TPCN1: variants seen among roughly 807,000 people sequenced by gnomAD.
TPCN1 encodes two pore segment channel 1.
A neutral mutation model predicts 108.8 loss-of-function variants in TPCN1; 52 were observed. The ratio of observed to expected loss-of-function variants is 0.48; its 90% confidence interval spans 0.38 to 0.60. The LOEUF (loss-of-function observed/expected upper bound fraction) is 0.60, where lower values mean the gene tolerates loss of function less well. Among genes scored for constraint, TPCN1 ranks in the 20% least tolerant of loss-of-function variants. TPCN1 has a pLI of 0.00. For synonymous variants in TPCN1, 446 were observed against 433.7 expected, an observed-to-expected ratio of 1.03 and a Z score of -0.35; for missense variants, 806 against 1,072.8, an observed-to-expected ratio of 0.75 and a Z score of 3.47.
intron 2 of TPCN1, among the ~76,000 whole-genome samples, chr12:113,249,315 C>T (rs368714871): frequency 2.6e-5 from 4 of 152,314 alleles, no homozygotes; most frequent in South Asian, 2.1e-4. Flanking sequence ...AGACAGTGGC[C>T]GGCGTACCGC....
intron 1 of TPCN1, among the ~76,000 whole-genome samples, chr12:113,223,902 C>A (rs1297061598): frequency 1.3e-5 from 2 of 152,112 alleles, no homozygotes; most frequent in Non-Finnish European, 2.9e-5. Flanking sequence ...TTAAAAAATA[C>A]TCACCAGTTA....
At chr12:113,256,274 T>C (rs373778531) in intron 2 of TPCN1, among the ~76,000 whole-genome samples, 2 of 152,102 alleles carry the variant, frequency 1.3e-5, no homozygotes, top group South Asian at 4.2e-4. Context: ...GAAGTTCAAA[T>C]TTTTTTACTT....
At chr12:113,233,227 G>A (rs951415006) in intron 2 of TPCN1, among the ~76,000 whole-genome samples, 6 of 152,216 alleles carry the variant, frequency 3.9e-5, no homozygotes, top group Non-Finnish European at 8.8e-5. Context: ...ACAAGACGCT[G>A]CCGCTCTAAA....
intron 2 of TPCN1, among the ~76,000 whole-genome samples, chr12:113,259,125 T>C (rs1954927416): frequency 6.6e-6 from 1 of 152,038 alleles, no homozygotes; most frequent in South Asian, 2.1e-4. Context: ...TACAGGCACC[T>C]TCCACCACGC....
chr12:113,282,682 G>A (rs1369450667), intron 15 of TPCN1, among the ~76,000 whole-genome samples: 1 of 150,286 alleles, frequency 6.7e-6, no homozygotes, highest in African/African-American at 2.5e-5. Flanking sequence ...CCTGAGCCTG[G>A]GGAGGTTGAG....
chr12:113,293,497 G>A, intron 27 of TPCN1, 148 bp downstream of exon 27: 1 of 793,074 alleles, frequency 1.3e-6, no homozygotes, highest in Non-Finnish European at 2.1e-6. Context: ...GGGTTGTGTG[G>A]GACCTGAGCG....
intron 1 of TPCN1, among the ~76,000 whole-genome samples, chr12:113,226,286 A>G (rs1419810944): frequency 1.3e-5 from 2 of 151,902 alleles, no homozygotes; most frequent in Non-Finnish European, 2.9e-5. Flanking sequence ...ATAATTTACC[A>G]TTTTATTATT....
chr12:113,251,985 C>G (rs150978301), intron 2 of TPCN1, among the ~76,000 whole-genome samples: 1 of 152,080 alleles, frequency 6.6e-6, no homozygotes, highest in Non-Finnish European at 1.5e-5. Context: ...ATGAGAGGGA[C>G]GAGACCTTTC....
chr12:113,252,731 T>C (rs1443303587), intron 2 of TPCN1, among the ~76,000 whole-genome samples: 2 of 152,228 alleles, frequency 1.3e-5, no homozygotes, highest in Non-Finnish European at 2.9e-5. Context: ...TGCCTGTGGC[T>C]TTTTCTGCTC....
chr12:113,269,759 A>C lies in TPCN1; in HGVS notation c.662A>C (p.Asn221Thr), dbSNP rs757125472. 1 of 1,613,438 alleles carries C rather than the reference A, an allele frequency of 6.2e-7. No homozygotes were observed. Among genetic ancestry groups the C allele is most frequent in the East Asian group, 2.2e-5 (1 of 44,886 alleles). The change falls in exon 7 of 28, where the codon AAC becomes ACC. Residue 221 changes from asparagine to threonine, a missense_variant and splice_region_variant. Asn to Thr is a moderately conservative substitution (Grantham distance 65). Coordinates refer to ENST00000335509, the MANE Select transcript of TPCN1 (RefSeq NM_017901.6). This position sits in a 1 kb window ranked among gnomAD's most constrained non-coding sequence, Gnocchi z 5.0. ...DCRYCGGVRRNLRQIFQSLPP... is the reference protein window; with the variant it reads ...DCRYCGGVRRTLRQIFQSLPP... ...TGAGCTGGCCCATCTCTCCCCAGCA[A>C]CCTGCGGCAGATCTTCCAGTCCCTG... is the stretch of plus-strand genomic sequence containing the variant.
intron 2 of TPCN1, among the ~76,000 whole-genome samples, chr12:113,255,730 A>G (rs1339666009): frequency 8.7e-5 from 13 of 148,770 alleles, no homozygotes; most frequent in Non-Finnish European, 1.2e-4. Flanking sequence ...GGGTTTCACT[A>G]TGTTGCCCAG....
At chr12:113,261,772 A>G (rs969091119) in intron 3 of TPCN1, among the ~76,000 whole-genome samples, 1 of 152,206 alleles carries the variant, frequency 6.6e-6, no homozygotes, top group Non-Finnish European at 1.5e-5. Flanking sequence ...ATTCTAATTT[A>G]CTTAACCTGA....
intron 11 of TPCN1, 62 bp downstream of exon 11, chr12:113,277,097 C>T: frequency 1.3e-6 from 2 of 1,594,382 alleles, no homozygotes; most frequent in Non-Finnish European, 1.7e-6. Context: ...CCAGAGCAGC[C>T]CCTAAGCATG....
chr12:113,242,161 A>G (rs1954164092), intron 2 of TPCN1, among the ~76,000 whole-genome samples: 1 of 152,208 alleles, frequency 6.6e-6, no homozygotes, highest in Admixed American at 6.5e-5. Context: ...TGCCTCACGA[A>G]TGTGAGCTGG....
At chr12:113,279,568 T>TTG (rs1265890979) in intron 14 of TPCN1, among the ~76,000 whole-genome samples, 1 of 149,676 alleles carries the variant, frequency 6.7e-6, no homozygotes. Flanking sequence ...CCGGCTAATT[T>TTG]TGTGTGTGTG....
At position 113,295,961 on chromosome 12, in the gene TPCN1, A is replaced by G. The variant is rs1956412415; in HGVS notation, c.2336A>G (p.Glu779Gly). 1 of 1,598,948 alleles carries G rather than the reference A, an allele frequency of 6.3e-7. No individual in the cohort carries two copies. Among genetic ancestry groups the G allele is most frequent in the South Asian group, 1.1e-5 (1 of 89,610 alleles). The change falls in exon 28 of 28, where the codon GAG becomes GGG. Residue 779 changes from glutamate to glycine, a missense_variant and splice_region_variant. Coordinates refer to ENST00000335509, the MANE Select transcript of TPCN1 (RefSeq NM_017901.6). The part of the protein sequence containing the change: ...SLKMYQEEIQ[E>G]WYEEHAREQE... ...CACCCCTTCTGCTCTCTTCTCCAGG[A>G]GTGGTATGAGGAGCATGCCAGGGAG...
Position 113,278,308 on chromosome 12 carries a change from G to T in TPCN1, c.1233+71G>T. The stretch of plus-strand genomic sequence containing the variant: ...CCACGTGGGGCAGTGAGGAGCAGGG[G>T]CACCCCGAGATCCAGCTCTCTCCCT... On this transcript the variant is annotated intron_variant, in intron 13 of 27. Coordinates refer to ENST00000335509, the MANE Select transcript of TPCN1 (RefSeq NM_017901.6). 4.4e-6 allele frequency: 6 copies of T among 1,375,656 alleles called. 1 individual carries two copies. The South Asian group carries it at 7.0e-5, about 16-fold the overall frequency. The allele number at this position is 1,375,656 out of a possible 1,614,324, so 85.2% of individuals were successfully genotyped here.
chr12:113,252,465 A>G (rs1157398879), intron 2 of TPCN1, among the ~76,000 whole-genome samples: 2 of 152,194 alleles, frequency 1.3e-5, no homozygotes, highest in East Asian at 1.9e-4. Context: ...CTGTGTGAGA[A>G]GAAGGGCAGG....
chr12:113,293,236 C>T (rs375309838), intron 26 of TPCN1, 33 bp from the exon 27 acceptor site: 8 of 1,611,230 alleles, frequency 5.0e-6, no homozygotes, highest in Non-Finnish European at 6.8e-6. Flanking sequence ...TGAATATCTG[C>T]AGCCGAGCCC....
Sources: gnomAD v4.1 joint callset for allele counts (sites outside exome capture counted in the v4.1 genomes callset) on GRCh38, gnomAD v4.1.1 for gene constraint, Gnocchi (gnomAD v3.1) non-coding constraint, MANE v1.5 for transcripts, NCBI Gene and HGNC (gene_info 2026-07-23, HGNC 2026-07-21) for gene names.